Variants in PLGRKT observed in about 807,000 individuals in gnomAD.
The protein encoded by PLGRKT is plasminogen receptor (KT).
PLGRKT carries 22 observed loss-of-function variants against 18.5 expected under a neutral mutation model. The ratio of observed to expected loss-of-function variants is 1.19; its 90% confidence interval spans 0.85 to 1.70. The LOEUF (loss-of-function observed/expected upper bound fraction) is 1.70. Ranked by LOEUF, PLGRKT falls within the 40% of genes most tolerant of loss-of-function variation. PLGRKT has a pLI of 0.00. For missense variants in PLGRKT, 235 were observed against 174.4 expected (o/e 1.35, Z -1.96); for synonymous variants, 72 against 52.8 (o/e 1.36, Z -1.58).
intron 3 of PLGRKT, among the ~76,000 whole-genome samples, chr9:5,423,360 T>C (rs1818614135): frequency 6.6e-6 from 1 of 152,234 alleles, no homozygotes; most frequent in East Asian, 1.9e-4. Context: ...CCAGTATGTG[T>C]CTGGAAGTAT....
Position 5,436,634 on chromosome 9 carries a change from G to C in PLGRKT, c.-72C>G, listed in dbSNP as rs550997872. On this transcript the variant is annotated 5_prime_UTR_variant, in exon 2 of 6. Transcript: ENST00000223864. ...CTGAATGTGTTAGAGGACGCTCCCA[G>C]GTGGAAGGGTTAAAGGTGGAAGCCA... is the stretch of plus-strand genomic sequence containing the variant. 4 of 152,224 alleles carry C rather than the reference G, an allele frequency of 2.6e-5. No homozygotes were observed. Among genetic ancestry groups the C allele is most frequent in the Non-Finnish European group, 5.9e-5 (4 of 68,054 alleles). 9.4% of individuals were successfully genotyped at this position (152,224 alleles called of 1,614,324 possible).
At chr9:5,427,910 G>C (rs997211213) in intron 3 of PLGRKT, among the ~76,000 whole-genome samples, 2 of 152,294 alleles carry the variant, frequency 1.3e-5, no homozygotes, top group Non-Finnish European at 2.9e-5. Flanking sequence ...AGTGGAATAA[G>C]GGTTCCTCAC....
intron 3 of PLGRKT, among the ~76,000 whole-genome samples, chr9:5,409,093 T>A (rs4541987): frequency 0.29 from 43,837 of 152,072 alleles, 7,299 homozygotes; most frequent in African/African-American, 0.45. Flanking sequence ...AGAACCTCTA[T>A]TAGAGCAGTA....
intron 3 of PLGRKT, among the ~76,000 whole-genome samples, chr9:5,370,723 G>C (rs979320724): frequency 6.6e-6 from 1 of 152,066 alleles, no homozygotes; most frequent in African/African-American, 2.4e-5. Context: ...TAACTTAATA[G>C]AAACATTATT....
At chr9:5,372,778 G>C (rs991361588) in intron 3 of PLGRKT, among the ~76,000 whole-genome samples, 2 of 152,200 alleles carry the variant, frequency 1.3e-5, no homozygotes, top group African/African-American at 4.8e-5. Flanking sequence ...AGGGAGTCTG[G>C]AAATGTTCTC....
intron 3 of PLGRKT, among the ~76,000 whole-genome samples, chr9:5,410,436 G>A (rs1334891569): frequency 2.7e-5 from 4 of 150,154 alleles, no homozygotes; most frequent in Admixed American, 1.3e-4. Flanking sequence ...AGGTTGCAGT[G>A]AGCAGTGGGC....
intron 3 of PLGRKT, among the ~76,000 whole-genome samples, chr9:5,375,320 G>A (rs569536284): frequency 1.6e-4 from 25 of 152,242 alleles, no homozygotes; most frequent in Middle Eastern, 6.8e-3. Context: ...AGGTATGTGT[G>A]GGGGAGGTGG....
intron 3 of PLGRKT, among the ~76,000 whole-genome samples, chr9:5,384,742 A>T (rs1817809834): frequency 6.6e-6 from 1 of 151,998 alleles, no homozygotes; most frequent in South Asian, 2.1e-4. Context: ...CTACCTCTTA[A>T]CTAACCAAGC....
At position 5,372,081 on chromosome 9, in the gene PLGRKT, G is replaced by C. The variant is rs202162370; in HGVS notation, c.82-10193C>G. 7.6e-4 allele frequency among the ~76,000 whole-genome samples: 108 copies of C among 142,216 alleles called. 1 individual carries two copies. The highest frequency in any genetic ancestry group is 2.6e-3 in the African/African-American group (97 of 37,180). 93.3% of individuals were successfully genotyped at this position (142,216 alleles called of 152,430 possible). On this transcript the variant is annotated intron_variant, in intron 3 of 5. Coordinates refer to ENST00000223864, the MANE Select transcript of PLGRKT (RefSeq NM_018465.4). ...ACTGCAACTTCCGCCTCTTGGGTTC[G>C]AGCAATTCTCCTGCCTCAGCCTCCC...
chr9:5,431,680 C>T (rs754581350), intron 3 of PLGRKT, among the ~76,000 whole-genome samples: 14 of 152,068 alleles, frequency 9.2e-5, no homozygotes, highest in Non-Finnish European at 1.8e-4. Flanking sequence ...GTTATCTCTT[C>T]CTACAGAATG....
intron 3 of PLGRKT, among the ~76,000 whole-genome samples, chr9:5,406,144 C>T (rs553843069): frequency 9.2e-5 from 14 of 152,252 alleles, no homozygotes; most frequent in Admixed American, 5.2e-4. Context: ...AATAGGAAAG[C>T]TTTTATACTG....
chr9:5,416,289 A>T (rs1364182346), intron 3 of PLGRKT, among the ~76,000 whole-genome samples: 1 of 152,098 alleles, frequency 6.6e-6, no homozygotes, highest in East Asian at 1.9e-4. Context: ...GCTGCCCTAA[A>T]TTCTTCATTA....
At chr9:5,420,902 T>C (rs1818563477) in intron 3 of PLGRKT, among the ~76,000 whole-genome samples, 1 of 152,248 alleles carries the variant, frequency 6.6e-6, no homozygotes, top group South Asian at 2.1e-4. Flanking sequence ...TGACAGATAC[T>C]GGGAGTTATA....
At chr9:5,394,409 TTTTG>T (rs1036846922) in intron 3 of PLGRKT, among the ~76,000 whole-genome samples, 24 of 151,718 alleles carry the variant, frequency 1.6e-4, no homozygotes, top group African/African-American at 5.1e-4. Flanking sequence ...ATGAGAAGTT[TTTTG>T]TTTGTTTGTT....
At chr9:5,408,083 G>A (rs779360138) in intron 3 of PLGRKT, among the ~76,000 whole-genome samples, 3 of 152,094 alleles carry the variant, frequency 2.0e-5, no homozygotes, top group East Asian at 1.9e-4. Flanking sequence ...ATTTGGAGGG[G>A]CAAGAAAAAA....
Position 5,431,991 on chromosome 9 carries a change from G to T in PLGRKT, c.-6-8C>A. Reference sequence around the variant, plus strand: ...TATAAACCCCATTTTGACCTAAAATGTAAAAAAAGCAAGGAGACTTATAAT... The same window carrying T: ...TATAAACCCCATTTTGACCTAAAATTTAAAAAAAGCAAGGAGACTTATAAT... On this transcript the variant is annotated splice_region_variant and splice_polypyrimidine_tract_variant and intron_variant, in intron 2 of 5. Transcript: ENST00000223864. The T allele has an allele frequency of 1.6e-6, 2 of 1,277,214 alleles. No homozygotes were observed. Among genetic ancestry groups the T allele is most frequent in the Non-Finnish European group, 1.1e-6 (1 of 876,796 alleles). The allele number at this position is 1,277,214 out of a possible 1,614,324, so 79.1% of individuals were successfully genotyped here.
intron 2 of PLGRKT, among the ~76,000 whole-genome samples, chr9:5,436,312 C>G (rs537006460): frequency 6.6e-6 from 1 of 152,352 alleles, no homozygotes; most frequent in South Asian, 2.1e-4. Flanking sequence ...AAAACTGTGG[C>G]TCAGGCCACT....
Position 5,388,698 on chromosome 9 carries a change from T to C in PLGRKT, c.82-26810A>G, listed in dbSNP as rs116592554. Among the ~76,000 whole-genome samples, 860 of 152,108 alleles carry C rather than the reference T, an allele frequency of 5.7e-3. 24 individuals carry two copies. The highest frequency in any genetic ancestry group is 0.019 in the African/African-American group (806 of 41,358). ...AGAAATGAAGTGTTCTCTTGGCCTG[T>C]TCTGTAATTTCTGCTAGAACTTGTG... On this transcript the variant is annotated intron_variant, in intron 3 of 5. Transcript: ENST00000223864.
chr9:5,425,528 C>G (rs1196228622), intron 3 of PLGRKT, among the ~76,000 whole-genome samples: 1 of 152,070 alleles, frequency 6.6e-6, no homozygotes, highest in African/African-American at 2.4e-5. Context: ...GTTTCTATCT[C>G]CATTATAGAT....
Sources: allele counts gnomAD v4.1 joint callset (sites outside exome capture counted in the v4.1 genomes callset), GRCh38; gene constraint gnomAD v4.1.1; transcripts MANE v1.5; gene names NCBI Gene and HGNC (gene_info 2026-07-23, HGNC 2026-07-21).